Variants in TMX3 observed in about 807,000 individuals in gnomAD.
The protein encoded by TMX3 is protein disulfide-isomerase TMX3.
In TMX3, 40 loss-of-function variants were observed where a neutral mutation model predicts 64.4. The ratio of observed to expected loss-of-function variants is 0.62; its 90% CI spans 0.48 to 0.81. The LOEUF (loss-of-function observed/expected upper bound fraction) is 0.81, where lower values mean the gene tolerates loss of function less well. Ranked by LOEUF, TMX3 falls within the 30% of genes least tolerant of loss-of-function variation. The probability of loss-of-function intolerance (pLI) is 0.00; values close to 1 mark genes in which losing one functional copy is unlikely to be tolerated. For missense variants in TMX3, 497 were observed against 534.5 expected (o/e 0.93, Z 0.69); for synonymous variants, 189 against 175.7 (o/e 1.08, Z -0.60).
At chr18:68,697,056 C>A (rs1399555047) in intron 8 of TMX3, 170 bp downstream of exon 8, 3 of 451,292 alleles carry the variant, frequency 6.6e-6, no homozygotes, top group Admixed American at 4.0e-5. Flanking sequence ...CAATCTAATA[C>A]CAGTAGTAAA....
rs533041318 is a variant in TMX3, at chr18:68,685,152, A to C, written c.737-667T>G. Among the ~76,000 whole-genome samples, 78 of 152,338 alleles carry C rather than the reference A, an allele frequency of 5.1e-4. No individual in the cohort carries two copies. The South Asian group carries it at 6.2e-3, about 12-fold the overall frequency. On this transcript the variant is annotated intron_variant, in intron 10 of 15. Transcript: ENST00000299608. ...CAGTGTCTATCATGTTCTAGGCACC[A>C]TACCAAGCCACAGGGGAACAGGGAA... is the stretch of plus-strand genomic sequence containing the variant.
At position 68,707,731 on chromosome 18, in the gene TMX3, T is replaced by A. The variant is rs577441631; in HGVS notation, c.265+2290A>T. ...CTTACTGCTCTTGTTGGTTTATTCA[T>A]CTTTCTCCCTTTATTATGTTGTAAG... On this transcript the variant is annotated intron_variant, in intron 4 of 15. Transcript: ENST00000299608. Among the ~76,000 whole-genome samples, 42 of 152,306 alleles carry A rather than the reference T, an allele frequency of 2.8e-4. No individual in the cohort carries two copies. In the South Asian group the frequency reaches 7.0e-3, roughly 26 times the overall value.
In TMX3 at chr18:68,682,954, T is replaced by C. The variant is rs1013983899; in HGVS notation, c.876A>G (p.Gly292=). The change falls in exon 13 of 16, where the codon GGA becomes GGG. Residue 292 remains glycine, a synonymous_variant. Coordinates refer to ENST00000299608, the MANE Select transcript of TMX3 (RefSeq NM_019022.5). The part of the protein sequence containing the change: ...HRDFQFGHMD[G]NDYINTLLMD... ...TCAGCAAGGTATTTATGTAGTCATT[T>C]CCATCCATGTGGCCAAACTGAAAAT... 6 of 1,610,962 alleles carry C rather than the reference T, an allele frequency of 3.7e-6. No homozygotes were observed. The highest frequency in any genetic ancestry group is 5.1e-6 in the Non-Finnish European group (6 of 1,178,100).
intron 13 of TMX3, 143 bp downstream of exon 13, chr18:68,682,782 A>G: frequency 1.7e-6 from 1 of 579,134 alleles, no homozygotes; most frequent in Non-Finnish European, 2.8e-6. Flanking sequence ...AAACTAAAGT[A>G]AAATATTTAA....
intron 12 of TMX3, 28 bp downstream of exon 12, chr18:68,684,162 A>T: frequency 6.5e-7 from 1 of 1,549,550 alleles, no homozygotes. Flanking sequence ...ACAAAAATAA[A>T]GGAATCTCTC....
intron 4 of TMX3, among the ~76,000 whole-genome samples, chr18:68,707,750 T>C (rs891808429): frequency 2.6e-5 from 4 of 152,166 alleles, no homozygotes; most frequent in Admixed American, 6.5e-5. Context: ...CTTTATTATG[T>C]TGTAAGCATT....
At chr18:68,695,881 T>C (rs955959400) in intron 8 of TMX3, among the ~76,000 whole-genome samples, 7 of 152,202 alleles carry the variant, frequency 4.6e-5, no homozygotes, top group African/African-American at 1.7e-4. Context: ...TGACTTACAA[T>C]GCCTACACTG....
At chr18:68,682,233 C>T (rs887193129) in intron 13 of TMX3, among the ~76,000 whole-genome samples, 5 of 152,180 alleles carry the variant, frequency 3.3e-5, no homozygotes, top group African/African-American at 9.7e-5. Context: ...GTACAACATA[C>T]AGTAAATACT....
At chr18:68,689,448 C>T (rs1914296376) in intron 9 of TMX3, among the ~76,000 whole-genome samples, 1 of 150,380 alleles carries the variant, frequency 6.6e-6, no homozygotes, top group African/African-American at 2.5e-5. Context: ...CTAAGAAACA[C>T]ATAGTGGAAT....
intron 8 of TMX3, 40 bp downstream of exon 8, chr18:68,697,185 TA>T: frequency 9.9e-7 from 1 of 1,009,520 alleles, no homozygotes; most frequent in South Asian, 1.6e-5. Context: ...AATAATTTAA[TA>T]AATAAAATTG....
chr18:68,690,284 C>T (rs1262594897), intron 9 of TMX3, among the ~76,000 whole-genome samples: 1 of 151,968 alleles, frequency 6.6e-6, no homozygotes, highest in Non-Finnish European at 1.5e-5. Context: ...GCCACAGGAG[C>T]CCACCGAGCA....
intron 7 of TMX3, 189 bp from the exon 8 acceptor site, chr18:68,697,492 T>C: frequency 2.4e-6 from 1 of 416,228 alleles, no homozygotes; most frequent in Non-Finnish European, 4.3e-6. Flanking sequence ...CCAACGTAAT[T>C]AAGAGCTTTT....
intron 10 of TMX3, 82 bp from the exon 11 acceptor site, chr18:68,684,567 A>G: frequency 1.8e-6 from 2 of 1,139,522 alleles, no homozygotes; most frequent in South Asian, 1.3e-5. Flanking sequence ...CTGAGTAGGA[A>G]ATTAGTAAAG....
At position 68,681,094 on chromosome 18, in the gene TMX3, T is replaced by C. The variant is rs759104841; in HGVS notation, c.922A>G (p.Thr308Ala). 1.3e-6 allele frequency: 2 copies of C among 1,571,690 alleles called. No individual in the cohort carries two copies. The highest frequency in any genetic ancestry group is 1.4e-5 in the African/African-American group (1 of 73,378). ...TTTGAAGTATTCAGTACAACTACAG[T>C]TGGGACTGTCAATTCACTGAAAATA... ...TLLMDELTVP[T>A]VVVLNTSNQQ... The change falls in exon 14 of 16, where the codon ACT becomes GCT. Residue 308 changes from threonine to alanine, a missense_variant. Thr to Ala is a moderately conservative substitution (Grantham distance 58). Coordinates refer to ENST00000299608, the MANE Select transcript of TMX3 (RefSeq NM_019022.5).
chr18:68,696,932 C>A (rs553111000), intron 8 of TMX3: 2 of 254,328 alleles, frequency 7.9e-6, no homozygotes, highest in African/African-American at 2.3e-5. Context: ...CACTTGTAAG[C>A]CAATTTAGGA....
intron 1 of TMX3, chr18:68,714,513 T>A: frequency 4.9e-6 from 1 of 202,580 alleles, no homozygotes; most frequent in Non-Finnish European, 1.0e-5. Context: ...CTGACCCTGA[T>A]CTGTCCTCGA....
chr18:68,690,842 C>T (rs951283194), intron 9 of TMX3, among the ~76,000 whole-genome samples: 3 of 152,068 alleles, frequency 2.0e-5, no homozygotes, highest in East Asian at 1.9e-4. Context: ...AAGCATTATG[C>T]GTCAATGAAG....
chr18:68,690,660 C>T (rs992224570), intron 9 of TMX3, among the ~76,000 whole-genome samples: 3 of 152,172 alleles, frequency 2.0e-5, no homozygotes, highest in Non-Finnish European at 2.9e-5. Flanking sequence ...AATGCCATTA[C>T]AATTTGCTTT....
chr18:68,707,910 T>C (rs1191955184), intron 4 of TMX3, among the ~76,000 whole-genome samples: 2 of 150,404 alleles, frequency 1.3e-5, no homozygotes, highest in Non-Finnish European at 2.9e-5. Context: ...CTAATCAACA[T>C]ATATATGTGT....
Sources: allele counts gnomAD v4.1 joint callset (sites outside exome capture counted in the v4.1 genomes callset), GRCh38; gene constraint gnomAD v4.1.1; transcripts MANE v1.5; gene names NCBI Gene and HGNC (gene_info 2026-07-23, HGNC 2026-07-21).